Variants in MBOAT1 observed in about 807,000 individuals in gnomAD.
MBOAT1 encodes membrane-bound glycerophospholipid O-acyltransferase 1.
MBOAT1 carries 67 observed loss-of-function variants against 64.4 expected under a neutral mutation model. The ratio of observed to expected loss-of-function variants is 1.04; its 90% CI spans 0.85 to 1.27. The LOEUF is 1.27. MBOAT1 is among the 50% of genes most tolerant of loss of function. The probability of loss-of-function intolerance (pLI) is 0.00; values close to 1 mark genes in which losing one functional copy is unlikely to be tolerated. For missense variants in MBOAT1, 563 were observed against 604.6 expected, an observed-to-expected ratio of 0.93 and a Z score of 0.72; for synonymous variants, 229 against 218.9, an observed-to-expected ratio of 1.05 and a Z score of -0.41.
intron 1 of MBOAT1, among the ~76,000 whole-genome samples, chr6:20,156,918 C>A (rs990568690): frequency 2.6e-5 from 4 of 152,074 alleles, no homozygotes; most frequent in Admixed American, 2.6e-4. Context: ...AAGAAACTAC[C>A]ATCGGGGTTA....
intron 7 of MBOAT1, chr6:20,125,792 C>T (rs1025689006): frequency 8.2e-6 from 3 of 365,064 alleles, no homozygotes; most frequent in Admixed American, 8.3e-5. Flanking sequence ...TTTTCAAATA[C>T]TTAACTCATA....
intron 1 of MBOAT1, among the ~76,000 whole-genome samples, chr6:20,169,001 C>T (rs1312434266): frequency 1.3e-5 from 2 of 151,926 alleles, no homozygotes; most frequent in Non-Finnish European, 2.9e-5. Context: ...CTTTTCCCAA[C>T]AACCTATGTT....
At chr6:20,168,672 AG>A in intron 1 of MBOAT1, among the ~76,000 whole-genome samples, 1 of 133,808 alleles carries the variant, frequency 7.5e-6, no homozygotes, top group Non-Finnish European at 1.6e-5. Flanking sequence ...AGAGAAAGAG[AG>A]AGAGAAGGAG....
chr6:20,205,938 C>T (rs1763252272), intron 1 of MBOAT1, among the ~76,000 whole-genome samples: 1 of 152,158 alleles, frequency 6.6e-6, no homozygotes, highest in Non-Finnish European at 1.5e-5. Context: ...CAACTCCTCC[C>T]CAACCCTCAC....
intron 1 of MBOAT1, among the ~76,000 whole-genome samples, chr6:20,201,013 G>A (rs1477994705): frequency 6.6e-6 from 1 of 152,162 alleles, no homozygotes. Context: ...GAGCCAGAAA[G>A]TCATCTCAAA....
chr6:20,133,784 C>A (rs934897103), intron 4 of MBOAT1, among the ~76,000 whole-genome samples: 1 of 152,136 alleles, frequency 6.6e-6, no homozygotes, highest in Non-Finnish European at 1.5e-5. Flanking sequence ...CGGTGGCGCA[C>A]GTTAAGCAAA....
chr6:20,107,070 T>C (rs1451202738), intron 12 of MBOAT1, among the ~76,000 whole-genome samples: 1 of 152,186 alleles, frequency 6.6e-6, no homozygotes, highest in Non-Finnish European at 1.5e-5. Flanking sequence ...CCTAAAGAAC[T>C]TTTTAGTAAC....
At chr6:20,194,680 G>A (rs568287140) in intron 1 of MBOAT1, among the ~76,000 whole-genome samples, 1 of 152,186 alleles carries the variant, frequency 6.6e-6, no homozygotes, top group South Asian at 2.1e-4. Context: ...CCACTGGAAA[G>A]TTATTCTCCC....
chr6:20,201,451 C>CA (rs1410432148), intron 1 of MBOAT1, among the ~76,000 whole-genome samples: 5 of 152,118 alleles, frequency 3.3e-5, no homozygotes, highest in Admixed American at 2.6e-4. Context: ...TGAAATCATG[C>CA]AACTAAACCA....
chr6:20,168,513 G>T (rs1377587221), intron 1 of MBOAT1, among the ~76,000 whole-genome samples: 6 of 139,876 alleles, frequency 4.3e-5, no homozygotes, highest in Non-Finnish European at 9.4e-5. Context: ...GAGAGGAGAG[G>T]AGAGGAGAGG....
At chr6:20,132,439 T>TA (rs1760859248) in intron 4 of MBOAT1, among the ~76,000 whole-genome samples, 1 of 152,162 alleles carries the variant, frequency 6.6e-6, no homozygotes, top group Non-Finnish European at 1.5e-5. Flanking sequence ...GAAAAAGCCA[T>TA]CAAATAAAAA....
intron 1 of MBOAT1, among the ~76,000 whole-genome samples, chr6:20,200,743 C>A (rs1362423841): frequency 1.3e-5 from 2 of 152,054 alleles, no homozygotes; most frequent in Non-Finnish European, 2.9e-5. Flanking sequence ...CATGGAAGGA[C>A]CCCTCTCCAA....
chr6:20,188,271 G>A (rs542800383), intron 1 of MBOAT1, among the ~76,000 whole-genome samples: 28 of 152,304 alleles, frequency 1.8e-4, no homozygotes, highest in Admixed American at 3.9e-4. Context: ...AAATTCCCAT[G>A]TGAGCAAAAA....
chr6:20,111,712 A>C (rs1760141300), intron 11 of MBOAT1, among the ~76,000 whole-genome samples: 2 of 150,872 alleles, frequency 1.3e-5, no homozygotes, highest in Admixed American at 6.6e-5. Flanking sequence ...GGAGAGAAGA[A>C]AATGTCTCCC....
chr6:20,141,860 C>A (rs185566672), intron 4 of MBOAT1, among the ~76,000 whole-genome samples: 10 of 152,156 alleles, frequency 6.6e-5, no homozygotes, highest in Admixed American at 3.3e-4. Context: ...AATGAGAGGA[C>A]CTGGTGACAC....
intron 1 of MBOAT1, among the ~76,000 whole-genome samples, chr6:20,177,722 C>T (rs191584834): frequency 5.5e-4 from 80 of 146,072 alleles, no homozygotes; most frequent in African/African-American, 1.9e-3. Context: ...TGCAGTGAGC[C>T]GAGATCGTGC....
intron 8 of MBOAT1, among the ~76,000 whole-genome samples, chr6:20,118,970 A>T (rs1474825520): frequency 6.6e-6 from 1 of 152,242 alleles, no homozygotes; most frequent in Non-Finnish European, 1.5e-5. Flanking sequence ...AAGAGGTCTC[A>T]GAGCTGTCAC....
At chr6:20,185,534 T>G (rs74824512) in intron 1 of MBOAT1, among the ~76,000 whole-genome samples, 4,236 of 152,250 alleles carry the variant, frequency 0.028, 194 homozygotes, top group African/African-American at 0.095. Flanking sequence ...AACTTGAACT[T>G]CAAATCTTTC....
At chr6:20,135,814 G>A (rs1473920086) in intron 4 of MBOAT1, among the ~76,000 whole-genome samples, 1 of 152,192 alleles carries the variant, frequency 6.6e-6, no homozygotes, top group African/African-American at 2.4e-5. Context: ...AAAGCAGGAA[G>A]TCAGGCAAGC....
Sources: gnomAD v4.1 joint callset for allele counts (sites outside exome capture counted in the v4.1 genomes callset) on GRCh38, gnomAD v4.1.1 for gene constraint, MANE v1.5 for transcripts, NCBI Gene and HGNC (gene_info 2026-07-23, HGNC 2026-07-21) for gene names.